SMIM31: variants seen among roughly 807,000 people sequenced by gnomAD.
SMIM31 encodes human epithelial cell program regulator.
chr4:164,766,999 G>A (rs867358067), intron 1 of SMIM31, among the ~76,000 whole-genome samples: 2 of 152,130 alleles, frequency 1.3e-5, no homozygotes, highest in South Asian at 2.1e-4. Context: ...GCTTAGCAGG[G>A]CAAGGAACAC....
chr4:164,782,252 T>G (rs944724332), intron 2 of SMIM31, among the ~76,000 whole-genome samples: 7 of 151,498 alleles, frequency 4.6e-5, no homozygotes, highest in African/African-American at 1.5e-4. Context: ...ACCGCGCCAT[T>G]GCACTCCACC....
At chr4:164,759,431 T>C (rs1048404176) in intron 1 of SMIM31, among the ~76,000 whole-genome samples, 48 of 152,216 alleles carry the variant, frequency 3.2e-4, no homozygotes, top group African/African-American at 1.1e-3. Context: ...TTACATATGT[T>C]AATTTAATCC....
At chr4:164,800,980 C>T (rs952525895) in intron 2 of SMIM31, 111 bp from the exon 3 acceptor site, 2 of 393,110 alleles carry the variant, frequency 5.1e-6, no homozygotes, top group Admixed American at 8.9e-5. Context: ...TCCTAGCCAA[C>T]AGGAAAAGTT....
rs565387075 is a variant in SMIM31, at chr4:164,784,583, C to G, written c.112+14028C>G. On this transcript the variant is annotated intron_variant, in intron 2 of 2. Coordinates refer to ENST00000507311, the MANE Select transcript of SMIM31 (RefSeq NM_001352885.1). ...ATTGAAGAATATGGTTTGTTGATTC[C>G]TGTTGAAGGGACTACAAAGATGCTG... Among the ~76,000 whole-genome samples, 9 of 152,216 alleles carry G rather than the reference C, an allele frequency of 5.9e-5. No individual in the cohort carries two copies. The South Asian group carries it at 1.9e-3, about 32-fold the overall frequency.
chr4:164,769,066 C>T (rs1732759198), intron 1 of SMIM31, among the ~76,000 whole-genome samples: 3 of 152,156 alleles, frequency 2.0e-5, no homozygotes, highest in African/African-American at 4.8e-5. Context: ...CTCTGCACCC[C>T]ATATGGCCAA....
At chr4:164,787,594 G>A (rs1263556374) in intron 2 of SMIM31, among the ~76,000 whole-genome samples, 1 of 146,848 alleles carries the variant, frequency 6.8e-6, no homozygotes, top group East Asian at 2.0e-4. Context: ...TAGGCCCGCT[G>A]TTCTCCGTCT....
chr4:164,785,636 T>TTGTG (rs112075456), intron 2 of SMIM31, among the ~76,000 whole-genome samples: 1 of 150,584 alleles, frequency 6.6e-6, no homozygotes, highest in East Asian at 1.9e-4. Context: ...TTTAAACTTA[T>TTGTG]TGTGTGTGTG....
chr4:164,770,020 A>G (rs1230401160), intron 1 of SMIM31, among the ~76,000 whole-genome samples: 4 of 152,178 alleles, frequency 2.6e-5, no homozygotes, highest in Non-Finnish European at 4.4e-5. Flanking sequence ...CAATACTGGT[A>G]CCTCACTTAC....
intron 2 of SMIM31, among the ~76,000 whole-genome samples, chr4:164,780,413 C>T (rs750152100): frequency 3.3e-5 from 5 of 152,154 alleles, no homozygotes; most frequent in East Asian, 1.9e-4. Context: ...GGTGACAGAG[C>T]GAGACTCCAT....
chr4:164,773,029 TAAAAAAAAAAAAA>T (rs56863708), intron 2 of SMIM31, among the ~76,000 whole-genome samples: 2 of 76,670 alleles, frequency 2.6e-5, no homozygotes, highest in Non-Finnish European at 2.4e-5. Flanking sequence ...CACTTGGCTT[TAAAAAAAAAAAAA>T]AAAAAAAAAA....
Position 164,798,224 on chromosome 4 carries a change from A to ATTTT in SMIM31, c.113-2865_113-2862dup, listed in dbSNP as rs1370282043. Among the ~76,000 whole-genome samples, 70 of 85,798 alleles carry ATTTT rather than the reference A, an allele frequency of 8.2e-4. 2 individuals are homozygous for ATTTT. Among genetic ancestry groups the ATTTT allele is most frequent in the African/African-American group, 2.5e-3 (64 of 25,454 alleles). The allele number at this position is 85,798 out of a possible 152,430, so 56.3% of individuals were successfully genotyped here. On this transcript the variant is annotated intron_variant, in intron 2 of 2. Transcript: ENST00000507311. The stretch of plus-strand genomic sequence containing the variant: ...GTATAGGTATCTTTTTGATATAATG[A>ATTTT]TTTTTATTTTTTTTTTTTATTTTTT...
intron 1 of SMIM31, among the ~76,000 whole-genome samples, chr4:164,755,228 C>A (rs1483660124): frequency 6.6e-6 from 1 of 151,250 alleles, no homozygotes; most frequent in Non-Finnish European, 1.5e-5. Flanking sequence ...GCCTGTAATC[C>A]CAGTACTTTG....
At chr4:164,784,304 G>T (rs1469270627) in intron 2 of SMIM31, among the ~76,000 whole-genome samples, 1 of 152,198 alleles carries the variant, frequency 6.6e-6, no homozygotes, top group Admixed American at 6.5e-5. Flanking sequence ...CCGCAGTTTG[G>T]CTAGCTCTCT....
intron 1 of SMIM31, among the ~76,000 whole-genome samples, chr4:164,766,396 T>C (rs533781348): frequency 7.9e-5 from 12 of 152,290 alleles, no homozygotes; most frequent in African/African-American, 1.2e-4. Flanking sequence ...TGAATACTTA[T>C]GGGAAAATGT....
intron 1 of SMIM31, among the ~76,000 whole-genome samples, chr4:164,763,555 A>G (rs4234973): frequency 0.6 from 91,289 of 152,068 alleles, 27,645 homozygotes; most frequent in Admixed American, 0.65. Flanking sequence ...GACACAGAAA[A>G]GGGGATGAAT....
intron 2 of SMIM31, among the ~76,000 whole-genome samples, chr4:164,778,493 C>T (rs551511509): frequency 1.2e-4 from 18 of 152,222 alleles, no homozygotes; most frequent in African/African-American, 4.3e-4. Context: ...AATTTATTCC[C>T]TTGGTACACA....
intron 1 of SMIM31, among the ~76,000 whole-genome samples, chr4:164,760,304 G>C (rs1292289122): frequency 2.0e-5 from 3 of 152,110 alleles, no homozygotes; most frequent in African/African-American, 4.8e-5. Context: ...CTGTCTTAAG[G>C]GTAGAAAGAA....
intron 2 of SMIM31, among the ~76,000 whole-genome samples, chr4:164,783,507 G>C (rs1732987179): frequency 1.4e-5 from 2 of 140,774 alleles, no homozygotes; most frequent in African/African-American, 5.3e-5. Flanking sequence ...CTGGGTGCCA[G>C]AGCAAGATTC....
chr4:164,783,707 A>G (rs1455860332), intron 2 of SMIM31, among the ~76,000 whole-genome samples: 3 of 152,060 alleles, frequency 2.0e-5, no homozygotes, highest in Non-Finnish European at 4.4e-5. Context: ...ACTTGAGGCC[A>G]GGAGTTTGAG....
Sources: allele counts gnomAD v4.1 joint callset (sites outside exome capture counted in the v4.1 genomes callset), GRCh38; gene constraint gnomAD v4.1.1; transcripts MANE v1.5; gene names NCBI Gene and HGNC (gene_info 2026-07-23, HGNC 2026-07-21).